MSH3: variants seen among roughly 807,000 people sequenced by gnomAD.
MSH3 encodes the protein mutS homolog 3.
MSH3 carries 106 observed loss-of-function variants against 123.3 expected under a neutral mutation model. That is an observed-to-expected ratio of 0.86 (90% confidence interval 0.73 to 1.01). The LOEUF is 1.01. Ranked by LOEUF, MSH3 falls within the 50% of genes least tolerant of loss-of-function variation. MSH3 has a pLI of 0.00. For synonymous variants in MSH3, 515 were observed against 481.4 expected (o/e 1.07, Z -0.91); for missense variants, 1,459 against 1,347.6 (o/e 1.08, Z -1.29).
chr5:80,693,195 AT>A (rs1750362920), intron 8 of MSH3, among the ~76,000 whole-genome samples: 1 of 50,794 alleles, frequency 2.0e-5, no homozygotes, highest in African/African-American at 1.0e-4. Context: ...ATATAGATAA[AT>A]ATACATGCAC....
chr5:80,684,925 G>GT (rs1042676653), intron 8 of MSH3, among the ~76,000 whole-genome samples: 3 of 150,282 alleles, frequency 2.0e-5, no homozygotes, highest in Non-Finnish European at 4.4e-5. Context: ...ATGATTATGT[G>GT]TTTTTTTTTC....
At chr5:80,750,888 G>C (rs1743822316) in intron 12 of MSH3, among the ~76,000 whole-genome samples, 1 of 152,236 alleles carries the variant, frequency 6.6e-6, no homozygotes, top group South Asian at 2.1e-4. Context: ...AGGGTTAACT[G>C]CTTGTACTTG....
chr5:80,669,233 G>T (rs975964569), intron 3 of MSH3, among the ~76,000 whole-genome samples: 1 of 151,978 alleles, frequency 6.6e-6, no homozygotes, highest in Non-Finnish European at 1.5e-5. Context: ...TTGGATTGGG[G>T]TTCCCATTTC....
chr5:80,779,980 T>G (rs1226735730), intron 17 of MSH3, among the ~76,000 whole-genome samples: 2 of 152,250 alleles, frequency 1.3e-5, no homozygotes, highest in Non-Finnish European at 2.9e-5. Flanking sequence ...ATGTTGCATT[T>G]GGTAATTATG....
At chr5:80,679,576 T>C (rs1749923129) in intron 8 of MSH3, among the ~76,000 whole-genome samples, 2 of 152,248 alleles carry the variant, frequency 1.3e-5, no homozygotes, top group Admixed American at 6.5e-5. Flanking sequence ...GGAGATGCTT[T>C]GTCTGTGCTG....
At chr5:80,862,512 C>T (rs1179808863) in intron 21 of MSH3, among the ~76,000 whole-genome samples, 1 of 152,134 alleles carries the variant, frequency 6.6e-6, no homozygotes, top group Non-Finnish European at 1.5e-5. Context: ...AATCCCAGCA[C>T]TTTGGGAGGC....
rs755017868 is a variant in MSH3 at position 80,654,904 on chromosome 5, G to GCCCCCA, written c.177_178insCCCCCA (p.Ala59_Ala60insProPro). 1.3e-4 allele frequency: 195 copies of GCCCCCA among 1,538,102 alleles called. 1 individual carries two copies. The African/African-American group carries it at 2.3e-3, about 18-fold the overall frequency. On this transcript the variant is annotated inframe_insertion, in exon 1 of 24. Coordinates refer to ENST00000265081, the MANE Select transcript of MSH3 (RefSeq NM_002439.5). ...CTGCAGCGGCTGCAGCGGCCGCAGC[G>GCCCCCA]GCCGCAGCGCCCCCAGCGCCCCCAG...
At chr5:80,678,833 T>C (rs1380574162) in intron 7 of MSH3, 94 bp from the exon 8 acceptor site, 1 of 1,376,910 alleles carries the variant, frequency 7.3e-7, no homozygotes, top group Non-Finnish European at 1.0e-6. Flanking sequence ...CTCCTGAGTG[T>C]ATCATCTTTA....
At chr5:80,847,541 C>G (rs184406717) in intron 20 of MSH3, among the ~76,000 whole-genome samples, 1 of 152,142 alleles carries the variant, frequency 6.6e-6, no homozygotes. Context: ...TCCAGTATTA[C>G]ATTCAATGTA....
At chr5:80,830,428 T>G (rs1472858329) in intron 20 of MSH3, among the ~76,000 whole-genome samples, 1 of 152,218 alleles carries the variant, frequency 6.6e-6, no homozygotes, top group Non-Finnish European at 1.5e-5. Context: ...AGATTTTGTT[T>G]TGCATGAGGT....
At chr5:80,865,920 A>G (rs1012900099) in intron 22 of MSH3, among the ~76,000 whole-genome samples, 3 of 152,234 alleles carry the variant, frequency 2.0e-5, no homozygotes, top group African/African-American at 4.8e-5. Context: ...TGAAAAACAC[A>G]TCATAAATTC....
intron 13 of MSH3, among the ~76,000 whole-genome samples, chr5:80,764,404 C>A (rs1002955121): frequency 4.1e-4 from 62 of 151,470 alleles, no homozygotes; most frequent in African/African-American, 1.5e-3. Context: ...GAAACAAGAT[C>A]TCACTGTGTC....
chr5:80,773,925 G>A (rs769501480), intron 15 of MSH3, among the ~76,000 whole-genome samples: 4 of 151,912 alleles, frequency 2.6e-5, no homozygotes, highest in Non-Finnish European at 4.4e-5. Context: ...CTGCCACCAC[G>A]CCTGGCTAAT....
intron 2 of MSH3, among the ~76,000 whole-genome samples, chr5:80,663,042 C>G (rs1749475801): frequency 6.6e-6 from 1 of 151,946 alleles, no homozygotes; most frequent in Non-Finnish European, 1.5e-5. Context: ...AGAGACCAGC[C>G]TAGGCAACAT....
chr5:80,663,502 T>TC (rs1749491975), intron 2 of MSH3, among the ~76,000 whole-genome samples: 1 of 152,048 alleles, frequency 6.6e-6, no homozygotes, highest in Admixed American at 6.6e-5. Flanking sequence ...TTTTTTTTTT[T>TC]CCCAGCAAAT....
intron 12 of MSH3, among the ~76,000 whole-genome samples, chr5:80,754,296 A>G (rs938532999): frequency 6.6e-6 from 1 of 152,096 alleles, no homozygotes; most frequent in South Asian, 2.1e-4. Context: ...ATATATATAT[A>G]TATGAAATCT....
At chr5:80,841,964 T>A (rs1281060231) in intron 20 of MSH3, among the ~76,000 whole-genome samples, 2 of 152,156 alleles carry the variant, frequency 1.3e-5, no homozygotes, top group East Asian at 3.8e-4. Context: ...GGTGTTTTAG[T>A]CATGAAGTCC....
chr5:80,821,851 A>G (rs752774167), intron 20 of MSH3, among the ~76,000 whole-genome samples: 3 of 152,260 alleles, frequency 2.0e-5, no homozygotes, highest in Admixed American at 6.5e-5. Flanking sequence ...TATGCACAGC[A>G]TCCATGGTAC....
At chr5:80,675,892 A>G (rs1213653178) in intron 7 of MSH3, among the ~76,000 whole-genome samples, 2 of 152,244 alleles carry the variant, frequency 1.3e-5, no homozygotes, top group African/African-American at 2.4e-5. Flanking sequence ...ATGAATGACT[A>G]TGGTATTATA....
Sources: allele counts gnomAD v4.1 joint callset (sites outside exome capture counted in the v4.1 genomes callset), GRCh38; gene constraint gnomAD v4.1.1; transcripts MANE v1.5; gene names NCBI Gene and HGNC (gene_info 2026-07-23, HGNC 2026-07-21).